Variants in XRN1 observed in about 807,000 individuals in gnomAD.
XRN1 encodes the protein 5'-3' exoribonuclease 1.
In XRN1, 67 loss-of-function variants were observed where a neutral mutation model predicts 222.3. The observed-to-expected ratio is 0.30, with a 90% CI of 0.25 to 0.37. XRN1 has a LOEUF of 0.37. XRN1 is among the 10% of genes least tolerant of loss of function. XRN1 has a pLI of 1.00. For missense variants in XRN1, 1,707 were observed against 2,000.2 expected (o/e 0.85, Z 2.80); for synonymous variants, 643 against 652.4 (o/e 0.99, Z 0.22).
intron 37 of XRN1, among the ~76,000 whole-genome samples, chr3:142,324,350 G>T (rs1315215472): frequency 2.7e-5 from 4 of 149,452 alleles, no homozygotes; most frequent in Admixed American, 6.8e-5. Context: ...GTTGTGTTTG[G>T]TTTTTTGTCC....
chr3:142,445,001 T>C (rs961587945), intron 1 of XRN1, among the ~76,000 whole-genome samples: 1 of 152,354 alleles, frequency 6.6e-6, no homozygotes, highest in Non-Finnish European at 1.5e-5. Flanking sequence ...TGAGTACCCA[T>C]TCTGTTATGC....
At chr3:142,404,388 T>G (rs1243573025) in intron 16 of XRN1, among the ~76,000 whole-genome samples, 6 of 152,186 alleles carry the variant, frequency 3.9e-5, no homozygotes, top group Non-Finnish European at 5.9e-5. Context: ...GATGTTTACT[T>G]TATTTGCAAC....
At chr3:142,438,527 A>G (rs1353345881) in intron 1 of XRN1, among the ~76,000 whole-genome samples, 1 of 152,124 alleles carries the variant, frequency 6.6e-6, no homozygotes, top group African/African-American at 2.4e-5. Flanking sequence ...CTCATTGGAA[A>G]ATGACTAGGG....
chr3:142,322,661 G>C (rs989342735), intron 37 of XRN1, among the ~76,000 whole-genome samples: 1 of 151,856 alleles, frequency 6.6e-6, no homozygotes, highest in Non-Finnish European at 1.5e-5. Flanking sequence ...GGCGAACAGA[G>C]CGAGGTTCTG....
intron 5 of XRN1, 109 bp downstream of exon 5, chr3:142,425,113 G>A (rs1333297721): frequency 3.2e-5 from 22 of 694,140 alleles, no homozygotes; most frequent in Non-Finnish European, 4.0e-5. Context: ...AATCATTATT[G>A]TGTCTCCAAT....
chr3:142,443,884 G>A (rs1431351755), intron 1 of XRN1, among the ~76,000 whole-genome samples: 1 of 152,222 alleles, frequency 6.6e-6, no homozygotes, highest in Non-Finnish European at 1.5e-5. Context: ...ACACAATGGA[G>A]TACTATTCAG....
In XRN1 at chr3:142,309,373, G is replaced by C. The variant is rs2065033253; in HGVS notation, c.*2138C>G. On this transcript the variant is annotated 3_prime_UTR_variant, in exon 41 of 41. Coordinates refer to ENST00000392981, the MANE Select transcript of XRN1 (RefSeq NM_001282857.2). ...CGAGTAGCTGGGACTAAAGGCATGT[G>C]CCATCACGCCCGGCTAATTTTTGTA... 1 of 152,148 alleles carries C rather than the reference G, an allele frequency of 6.6e-6. No individual in the cohort carries two copies. 9.4% of individuals were successfully genotyped at this position (152,148 alleles called of 1,614,324 possible).
At chr3:142,362,578 GT>G (rs1225958495) in intron 29 of XRN1, among the ~76,000 whole-genome samples, 4 of 145,728 alleles carry the variant, frequency 2.7e-5, no homozygotes, top group Admixed American at 2.7e-4. Context: ...TTTTTTCTTC[GT>G]CCCCCCTACC....
intron 18 of XRN1, among the ~76,000 whole-genome samples, chr3:142,403,433 T>C (rs564247514): frequency 4.9e-4 from 74 of 152,290 alleles, no homozygotes; most frequent in African/African-American, 1.6e-3. Flanking sequence ...TACTTAACTT[T>C]TGGTTTACAT....
intron 31 of XRN1, among the ~76,000 whole-genome samples, chr3:142,356,249 G>T (rs556510128): frequency 1.3e-5 from 2 of 151,996 alleles, no homozygotes; most frequent in African/African-American, 4.8e-5. Context: ...TTAAAACTCT[G>T]GAAAAATAGG....
At chr3:142,402,274 C>T (rs2068172684) in intron 18 of XRN1, among the ~76,000 whole-genome samples, 2 of 152,208 alleles carry the variant, frequency 1.3e-5, no homozygotes, top group Admixed American at 1.3e-4. Flanking sequence ...CGTCCACCTC[C>T]TGGGTTCAAG....
At chr3:142,416,529 A>C (rs2068795363) in intron 13 of XRN1, among the ~76,000 whole-genome samples, 1 of 152,232 alleles carries the variant, frequency 6.6e-6, no homozygotes. Context: ...CAAACACAAA[A>C]AATGTAAAGA....
chr3:142,332,264 A>T (rs573182622), intron 36 of XRN1, 111 bp downstream of exon 36: 3 of 894,612 alleles, frequency 3.4e-6, no homozygotes, highest in African/African-American at 3.4e-5. Context: ...TAAAATAAAT[A>T]AATACATTAA....
At chr3:142,419,559 C>T (rs2068920721) in intron 10 of XRN1, among the ~76,000 whole-genome samples, 2 of 152,234 alleles carry the variant, frequency 1.3e-5, no homozygotes, top group South Asian at 2.1e-4. Context: ...CCTGTAATCC[C>T]AGGACTTAAG....
chr3:142,328,072 T>C (rs184185194), intron 37 of XRN1, among the ~76,000 whole-genome samples: 1 of 152,364 alleles, frequency 6.6e-6, no homozygotes, highest in East Asian at 1.9e-4. Flanking sequence ...CAATCATCTG[T>C]TGATGGACCC....
At chr3:142,441,002 GC>G (rs1299288613) in intron 1 of XRN1, among the ~76,000 whole-genome samples, 1 of 151,982 alleles carries the variant, frequency 6.6e-6, no homozygotes, top group Admixed American at 6.6e-5. Context: ...TTTACTTTTG[GC>G]CGCCCATTCA....
chr3:142,367,945 GAAA>G (rs5853069), intron 27 of XRN1, among the ~76,000 whole-genome samples: 1 of 149,350 alleles, frequency 6.7e-6, no homozygotes, highest in Non-Finnish European at 1.5e-5. Context: ...AATCCTGAAA[GAAA>G]AAAAAAAATC....
At chr3:142,383,516 G>T in intron 21 of XRN1, 103 bp from the exon 22 acceptor site, 2 of 982,392 alleles carry the variant, frequency 2.0e-6, no homozygotes, top group Non-Finnish European at 3.0e-6. Context: ...AAATGTCAAT[G>T]TGAAGATTTT....
At chr3:142,430,539 A>G (rs925874081) in intron 2 of XRN1, among the ~76,000 whole-genome samples, 1 of 152,198 alleles carries the variant, frequency 6.6e-6, no homozygotes, top group Non-Finnish European at 1.5e-5. Context: ...CAAAGATCTC[A>G]CAGTCTTTCT....
Sources: gnomAD v4.1 joint callset for allele counts (sites outside exome capture counted in the v4.1 genomes callset) on GRCh38, gnomAD v4.1.1 for gene constraint, MANE v1.5 for transcripts, NCBI Gene and HGNC (gene_info 2026-07-23, HGNC 2026-07-21) for gene names.